Variants in TFB2M observed in about 807,000 individuals in gnomAD.
TFB2M encodes dimethyladenosine transferase 2, mitochondrial.
A neutral mutation model predicts 41.3 loss-of-function variants in TFB2M; 44 were observed. That is an observed-to-expected ratio of 1.07 (90% CI 0.84 to 1.37). The LOEUF (loss-of-function observed/expected upper bound fraction) is 1.37. Among genes scored for constraint, TFB2M ranks in the 40% most tolerant of loss-of-function variants. TFB2M has a pLI of 0.00. For missense variants in TFB2M, 496 were observed against 490.2 expected, an observed-to-expected ratio of 1.01 and a Z score of -0.11; for synonymous variants, 188 against 176.8, an observed-to-expected ratio of 1.06 and a Z score of -0.50.
chr1:246,545,082 AG>A (rs1658976382), intron 6 of TFB2M, among the ~76,000 whole-genome samples: 2 of 152,050 alleles, frequency 1.3e-5, no homozygotes, highest in Non-Finnish European at 2.9e-5. Flanking sequence ...CTGGGATTAC[AG>A]GCGTGAGCCA....
chr1:246,550,186 CCAGGA>C, intron 5 of TFB2M, among the ~76,000 whole-genome samples: 1 of 152,174 alleles, frequency 6.6e-6, no homozygotes, highest in East Asian at 1.9e-4. Flanking sequence ...CTGAAAGCTA[CCAGGA>C]CAGAAGACTT....
intron 4 of TFB2M, among the ~76,000 whole-genome samples, chr1:246,555,661 G>A (rs1396412938): frequency 6.6e-6 from 1 of 152,154 alleles, no homozygotes; most frequent in Non-Finnish European, 1.5e-5. Context: ...TCTACTTCTA[G>A]CTGTACACTC....
chr1:246,554,854 T>C (rs1659279601), intron 4 of TFB2M, among the ~76,000 whole-genome samples: 1 of 151,954 alleles, frequency 6.6e-6, no homozygotes, highest in South Asian at 2.1e-4. Flanking sequence ...AAAGACAAAG[T>C]TGACTTCATC....
chr1:246,546,617 AAAAT>A (rs1317185858), intron 6 of TFB2M, among the ~76,000 whole-genome samples: 2 of 148,776 alleles, frequency 1.3e-5, no homozygotes, highest in African/African-American at 2.5e-5. Flanking sequence ...TTGCCTCAAA[AAAAT>A]AAATAAATAA....
At chr1:246,556,287 G>A (rs1047865442) in intron 4 of TFB2M, among the ~76,000 whole-genome samples, 26 of 152,324 alleles carry the variant, frequency 1.7e-4, no homozygotes, top group African/African-American at 5.8e-4. Context: ...GGGGACGCAG[G>A]AAGAGGGAAA....
intron 7 of TFB2M, among the ~76,000 whole-genome samples, chr1:246,542,953 C>T: frequency 1.7e-5 from 2 of 118,754 alleles, no homozygotes; most frequent in African/African-American, 3.2e-5. Flanking sequence ...CCAGGCTCAT[C>T]TCAAAGTCTT....
chr1:246,556,402 C>T (rs1010292439), intron 4 of TFB2M, among the ~76,000 whole-genome samples, 171 bp downstream of exon 4: 1 of 152,168 alleles, frequency 6.6e-6, no homozygotes, highest in Non-Finnish European at 1.5e-5. Flanking sequence ...GTTAAAACCA[C>T]TCAACTGTAC....
At chr1:246,547,015 A>G (rs1437218748) in intron 6 of TFB2M, among the ~76,000 whole-genome samples, 2 of 124,730 alleles carry the variant, frequency 1.6e-5, no homozygotes, top group African/African-American at 6.7e-5. Flanking sequence ...ACAAAGTCTC[A>G]CTCTGTTATC....
chr1:246,542,207 G>A (rs3120699), intron 7 of TFB2M, among the ~76,000 whole-genome samples: 33,355 of 151,154 alleles, frequency 0.22, 4,367 homozygotes, highest in Middle Eastern at 0.43. Context: ...TGACTGAAAC[G>A]AGGTATAACG....
At chr1:246,548,944 T>A (rs1642340393) in intron 5 of TFB2M, among the ~76,000 whole-genome samples, 1 of 152,256 alleles carries the variant, frequency 6.6e-6, no homozygotes, top group African/African-American at 2.4e-5. Context: ...GGATATTAGA[T>A]TAATGCTGAG....
intron 2 of TFB2M, among the ~76,000 whole-genome samples, chr1:246,561,784 A>G (rs1315325750): frequency 2.0e-5 from 3 of 152,224 alleles, no homozygotes; most frequent in African/African-American, 7.2e-5. Context: ...GATCTTATAG[A>G]AAAAAGCAAC....
chr1:246,541,173 A>G lies in TFB2M; in HGVS notation c.1049T>C (p.Ile350Thr), dbSNP rs775166754. The change falls in exon 8 of 8, where the codon ATA becomes ACA. Residue 350 changes from isoleucine to threonine, a missense_variant. Transcript: ENST00000366514. The stretch of plus-strand genomic sequence containing the variant: ...CTCCTGTTTTCCTATTTGCATCAAT[A>G]TATCTCTCGCATCAAGTGGAGTCAA... ...RSLTPLDARD[I>T]LMQIGKQEDE... 4.3e-6 allele frequency: 7 copies of G among 1,613,942 alleles called. No homozygotes were observed. The highest frequency in any genetic ancestry group is 2.7e-5 in the African/African-American group (2 of 74,930).
At chr1:246,557,665 T>C in intron 2 of TFB2M, 131 bp from the exon 3 acceptor site, 3 of 725,940 alleles carry the variant, frequency 4.1e-6, no homozygotes, top group Non-Finnish European at 6.3e-6. Context: ...CCTGGGGTTT[T>C]TTTGTTTTGT....
chr1:246,544,662 T>A lies in TFB2M; in HGVS notation c.878A>T (p.Gln293Leu). ...CATTTGAATAAGATACAGCTTTTGT[T>A]GTAATTGGTCTAATAATTCCTGGAG... ...PKRRELLDQL[Q>L]QKLYLIQMIP... Residue 293 changes from glutamine (Q) to leucine (L), a missense_variant, in exon 7 of 8, where the codon CAA (glutamine) becomes CTA (leucine). Coordinates refer to ENST00000366514, the MANE Select transcript of TFB2M (RefSeq NM_022366.3). 2 of 1,597,326 alleles carry A rather than the reference T, an allele frequency of 1.3e-6. No homozygotes were observed. The highest frequency in any genetic ancestry group is 1.7e-6 in the Non-Finnish European group (2 of 1,176,118).
chr1:246,543,285 C>T (rs1235503278), intron 7 of TFB2M, among the ~76,000 whole-genome samples: 2 of 152,056 alleles, frequency 1.3e-5, no homozygotes, highest in African/African-American at 2.4e-5. Context: ...CATCCTCTGG[C>T]GAGACTTTGA....
intron 4 of TFB2M, among the ~76,000 whole-genome samples, chr1:246,555,029 G>T (rs1659284403): frequency 6.6e-6 from 1 of 152,086 alleles, no homozygotes; most frequent in Non-Finnish European, 1.5e-5. Flanking sequence ...CATTAAAAAT[G>T]GGCAAATGTC....
chr1:246,551,926 G>A (rs76741760), intron 4 of TFB2M, among the ~76,000 whole-genome samples: 3,846 of 152,194 alleles, frequency 0.025, 153 homozygotes, highest in African/African-American at 0.088. Context: ...TGAGGCCCTC[G>A]CTGTCTTTCC....
chr1:246,562,987 C>T (rs1659496275), intron 2 of TFB2M, among the ~76,000 whole-genome samples: 1 of 152,102 alleles, frequency 6.6e-6, no homozygotes, highest in Non-Finnish European at 1.5e-5. Context: ...AGCCGGCCGG[C>T]AGAATGTCTC....
rs764498048 is a variant in TFB2M at position 246,546,983 on chromosome 1, A to ACACTTTTTTTTTTTTTTTTTTTTTTT, written c.858+1561_858+1562insAAAAAAAAAAAAAAAAAAAAAAAGTG. On this transcript the variant is annotated intron_variant, in intron 6 of 7. Coordinates refer to ENST00000366514, the MANE Select transcript of TFB2M (RefSeq NM_022366.3). ...TGTATATATACACACACACACACAC[A>ACACTTTTTTTTTTTTTTTTTTTTTTT]TTTTTTTTTTTTTTTTTTGAGACAA... 1.6e-5 allele frequency among the ~76,000 whole-genome samples: 2 copies of ACACTTTTTTTTTTTTTTTTTTTTTTT among 127,180 alleles called. 1 individual carries two copies. Among genetic ancestry groups the ACACTTTTTTTTTTTTTTTTTTTTTTT allele is most frequent in the Non-Finnish European group, 3.3e-5 (2 of 60,582 alleles). The allele number at this position is 127,180 out of a possible 152,430, so 83.4% of individuals were successfully genotyped here.
Sources: allele counts gnomAD v4.1 joint callset (sites outside exome capture counted in the v4.1 genomes callset), GRCh38; gene constraint gnomAD v4.1.1; transcripts MANE v1.5; gene names NCBI Gene and HGNC (gene_info 2026-07-23, HGNC 2026-07-21).